The following ITGAV variants were observed in gnomAD, a reference collection of about 807,000 sequenced individuals.
ITGAV encodes the protein integrin subunit alpha V, also known as integrin alpha-V.
A neutral mutation model predicts 143.8 loss-of-function variants in ITGAV; 76 were observed. The ratio of observed to expected loss-of-function variants is 0.53; its 90% CI spans 0.44 to 0.64. The LOEUF (loss-of-function observed/expected upper bound fraction) is 0.64. Ranked by LOEUF, ITGAV falls within the 30% of genes least tolerant of loss-of-function variation. The pLI, the probability that ITGAV is intolerant of heterozygous loss-of-function variation, is 0.00. For synonymous variants in ITGAV, 453 were observed against 446.7 expected (o/e 1.01, Z -0.18); for missense variants, 1,193 against 1,274.7 (o/e 0.94, Z 0.98).
chr2:186,627,030 T>C (rs1687693904), intron 4 of ITGAV, among the ~76,000 whole-genome samples: 1 of 152,222 alleles, frequency 6.6e-6, no homozygotes, highest in African/African-American at 2.4e-5. Context: ...AATTATATGA[T>C]GTACACACAC....
Position 186,667,746 on chromosome 2 carries a change from T to C in ITGAV, c.2403T>C (p.Asp801=). The C allele has an allele frequency of 1.9e-6, 3 of 1,610,840 alleles. No homozygotes were observed. The highest frequency in any genetic ancestry group is 2.5e-6 in the Non-Finnish European group (3 of 1,177,814). The change falls in exon 24 of 30, where the codon GAT becomes GAC. Residue 801 remains aspartate (D), a synonymous_variant. Transcript: ENST00000261023. ...AGGAGAACCCTGAGACTGAAGAAGA[T>C]GTTGGGCCAGTTGTTCAGCACATCT... The part of the protein sequence containing the change: ...EHKENPETEE[D]VGPVVQHIYE...
intron 26 of ITGAV, among the ~76,000 whole-genome samples, chr2:186,674,994 G>A (rs16828163): frequency 0.19 from 28,362 of 152,096 alleles, 2,784 homozygotes; most frequent in Non-Finnish European, 0.22. Context: ...ACTCCTAATC[G>A]TCAACAAATG....
chr2:186,675,802 A>C lies in ITGAV; in HGVS notation c.2821-18A>C, dbSNP rs567066332. The C allele has an allele frequency of 9.6e-6, 15 of 1,560,996 alleles. No homozygotes were observed. Among genetic ancestry groups the C allele is most frequent in the African/African-American group, 9.5e-5 (7 of 73,670 alleles). On this transcript the variant is annotated intron_variant, in intron 27 of 29. Coordinates refer to ENST00000261023, the MANE Select transcript of ITGAV (RefSeq NM_002210.5). ...GGCCTGATATCTGGGAAATCATCTAATTGTTATTTCCAAACAGAAAGAAAA... is the reference window on the plus strand; with the variant it reads ...GGCCTGATATCTGGGAAATCATCTACTTGTTATTTCCAAACAGAAAGAAAA...
At chr2:186,616,663 A>C (rs951897252) in intron 2 of ITGAV, among the ~76,000 whole-genome samples, 1 of 152,008 alleles carries the variant, frequency 6.6e-6, no homozygotes, top group Non-Finnish European at 1.5e-5. Flanking sequence ...TTTTCTCTCA[A>C]ATTTCCCTTA....
In ITGAV at chr2:186,590,070, G is replaced by A. The variant is rs1191820112; in HGVS notation, c.-269G>A. 3 of 377,284 alleles carry A rather than the reference G, an allele frequency of 8.0e-6. No homozygotes were observed. The highest frequency in any genetic ancestry group is 1.4e-5 in the Non-Finnish European group (3 of 214,690). The allele number at this position is 377,284 out of a possible 1,614,324, so 23.4% of individuals were successfully genotyped here. On this transcript the variant is annotated 5_prime_UTR_variant, in exon 1 of 30. Transcript: ENST00000261023. The stretch of plus-strand genomic sequence containing the variant: ...CTCACCCCGGCAGTCCCCAGCCTCA[G>A]ACGCTGCGTGGAGCGGCGGAGCCGG...
chr2:186,624,586 T>G (rs1353555427), intron 3 of ITGAV, among the ~76,000 whole-genome samples: 1 of 152,216 alleles, frequency 6.6e-6, no homozygotes, highest in African/African-American at 2.4e-5. Context: ...TGTTCTGCAG[T>G]GCTTATGTTA....
At chr2:186,666,911 A>G in intron 22 of ITGAV, 128 bp downstream of exon 22, 1 of 562,964 alleles carries the variant, frequency 1.8e-6, no homozygotes, top group South Asian at 3.3e-5. Context: ...GCATTTTAAA[A>G]TCAATATTTA....
At chr2:186,610,006 C>T (rs1036232648) in intron 2 of ITGAV, among the ~76,000 whole-genome samples, 5 of 152,038 alleles carry the variant, frequency 3.3e-5, no homozygotes, top group African/African-American at 1.2e-4. Flanking sequence ...TCTAGAGCCC[C>T]ATAGGGACAT....
intron 2 of ITGAV, among the ~76,000 whole-genome samples, chr2:186,617,386 G>A (rs1430610529): frequency 6.6e-6 from 1 of 152,244 alleles, no homozygotes; most frequent in Non-Finnish European, 1.5e-5. Flanking sequence ...GGGGAAAAGA[G>A]TTGGCTGCTA....
At chr2:186,607,138 A>G (rs185529062) in intron 2 of ITGAV, among the ~76,000 whole-genome samples, 2 of 152,280 alleles carry the variant, frequency 1.3e-5, no homozygotes, top group East Asian at 3.9e-4. Flanking sequence ...ATTGTATAAT[A>G]CATTCCAGGG....
chr2:186,664,452 A>G (rs746687653), intron 19 of ITGAV, 42 bp from the exon 20 acceptor site: 18 of 1,584,844 alleles, frequency 1.1e-5, no homozygotes, highest in Non-Finnish European at 1.5e-5. Flanking sequence ...TTCCCCATGT[A>G]GTCTTTTTTT....
Position 186,677,562 on chromosome 2 carries a change from G to A in ITGAV, c.*270G>A. ...TTTTTATTCAATGTATATAAGACAG[G>A]TAGTGCCTGATTTACTACTTTATAT... On this transcript the variant is annotated 3_prime_UTR_variant, in exon 30 of 30. Transcript: ENST00000261023. 1 of 265,178 alleles carries A rather than the reference G, an allele frequency of 3.8e-6. No individual in the cohort carries two copies. Among genetic ancestry groups the A allele is most frequent in the Non-Finnish European group, 7.2e-6 (1 of 138,566 alleles). The allele number at this position is 265,178 out of a possible 1,614,324, so 16.4% of individuals were successfully genotyped here.
intron 2 of ITGAV, among the ~76,000 whole-genome samples, chr2:186,603,278 T>C (rs61763625): frequency 0.014 from 2,193 of 152,296 alleles, 24 homozygotes; most frequent in South Asian, 0.054. Context: ...AAATTAATCC[T>C]TTTTTCCATA....
intron 1 of ITGAV, among the ~76,000 whole-genome samples, chr2:186,595,762 T>C (rs1170763408): frequency 6.6e-6 from 1 of 152,052 alleles, no homozygotes; most frequent in Non-Finnish European, 1.5e-5. Flanking sequence ...ATGGAGTCTA[T>C]CAGGAGAGAG....
At chr2:186,619,829 GAA>G (rs892466109) in intron 2 of ITGAV, among the ~76,000 whole-genome samples, 1 of 151,896 alleles carries the variant, frequency 6.6e-6, no homozygotes, top group Admixed American at 6.6e-5. Context: ...TGTCTCTACT[GAA>G]AGTACAAAAA....
At chr2:186,672,528 A>G (rs935760077) in intron 26 of ITGAV, among the ~76,000 whole-genome samples, 26 of 152,204 alleles carry the variant, frequency 1.7e-4, no homozygotes, top group African/African-American at 5.5e-4. Flanking sequence ...GCATTTTGCA[A>G]TCCCAACCAG....
chr2:186,626,141 C>CT, intron 4 of ITGAV, among the ~76,000 whole-genome samples: 1 of 152,278 alleles, frequency 6.6e-6, no homozygotes, highest in East Asian at 1.9e-4. Context: ...TTTTCCTGCT[C>CT]TTAATCAGAA....
chr2:186,674,950 A>G (rs1234955863), intron 26 of ITGAV, among the ~76,000 whole-genome samples: 2 of 152,236 alleles, frequency 1.3e-5, no homozygotes, highest in African/African-American at 4.8e-5. Flanking sequence ...GCTTTTTATC[A>G]ATGCCCTTTC....
intron 12 of ITGAV, among the ~76,000 whole-genome samples, chr2:186,643,317 T>A (rs1486524022): frequency 3.3e-5 from 5 of 152,192 alleles, no homozygotes; most frequent in Admixed American, 6.5e-5. Flanking sequence ...TACAAAGGGC[T>A]AAAATATAGA....
Sources: gnomAD v4.1 joint callset for allele counts (sites outside exome capture counted in the v4.1 genomes callset) on GRCh38, gnomAD v4.1.1 for gene constraint, MANE v1.5 for transcripts, NCBI Gene and HGNC (gene_info 2026-07-23, HGNC 2026-07-21) for gene names.